Variants in PRDM5 observed in about 807,000 individuals in gnomAD.
PRDM5 encodes the protein PR domain zinc finger protein 5.
Under a neutral mutation model 81.2 loss-of-function variants are expected in PRDM5, and 56 were observed. That is an observed-to-expected ratio of 0.69 (90% CI 0.56 to 0.86). The LOEUF (loss-of-function observed/expected upper bound fraction) is 0.86, where lower values mean the gene tolerates loss of function less well. Ranked by LOEUF, PRDM5 falls within the 40% of genes least tolerant of loss-of-function variation. The pLI is 0.00. For missense variants in PRDM5, 697 were observed against 770.1 expected (o/e 0.91, Z 1.12); for synonymous variants, 267 against 256.4 (o/e 1.04, Z -0.39).
intron 2 of PRDM5, among the ~76,000 whole-genome samples, chr4:120,877,016 TC>T (rs1762391502): frequency 6.6e-6 from 1 of 152,140 alleles, no homozygotes; most frequent in African/African-American, 2.4e-5. Context: ...AAAAATCTTA[TC>T]TGAGAAACAG....
intron 15 of PRDM5, among the ~76,000 whole-genome samples, chr4:120,698,351 T>C (rs902216040): frequency 6.6e-6 from 1 of 152,150 alleles, no homozygotes; most frequent in Non-Finnish European, 1.5e-5. Flanking sequence ...TCTATAATGA[T>C]CTACTCTCCT....
chr4:120,775,432 C>T (rs1437652900), intron 13 of PRDM5, among the ~76,000 whole-genome samples: 1 of 152,052 alleles, frequency 6.6e-6, no homozygotes, highest in Non-Finnish European at 1.5e-5. Flanking sequence ...AAAATGTAGG[C>T]ATACAATATC....
intron 3 of PRDM5, among the ~76,000 whole-genome samples, chr4:120,842,942 G>A (rs1281594145): frequency 2.0e-5 from 3 of 152,178 alleles, no homozygotes; most frequent in Non-Finnish European, 4.4e-5. Context: ...AGCCCCATAA[G>A]GCTATAATTT....
chr4:120,721,022 A>G (rs997329086), intron 14 of PRDM5, among the ~76,000 whole-genome samples: 7 of 152,208 alleles, frequency 4.6e-5, no homozygotes, highest in African/African-American at 1.7e-4. Context: ...CTTTTAATTA[A>G]TCCACTCTGA....
intron 8 of PRDM5, among the ~76,000 whole-genome samples, chr4:120,806,083 G>A (rs1175446652): frequency 6.6e-6 from 1 of 152,098 alleles, no homozygotes; most frequent in Non-Finnish European, 1.5e-5. Flanking sequence ...AATCATGAGT[G>A]AACTCCCATT....
intron 2 of PRDM5, among the ~76,000 whole-genome samples, chr4:120,902,225 G>A (rs1765307780): frequency 1.3e-5 from 2 of 152,180 alleles, no homozygotes; most frequent in African/African-American, 2.4e-5. Flanking sequence ...AGAACAGGTA[G>A]CAAGGAAATG....
At chr4:120,898,578 T>C (rs1156377114) in intron 2 of PRDM5, among the ~76,000 whole-genome samples, 1 of 152,160 alleles carries the variant, frequency 6.6e-6, no homozygotes, top group Non-Finnish European at 1.5e-5. Flanking sequence ...TCCAAAATTA[T>C]CACCTCTCTG....
chr4:120,859,944 G>A (rs1305920157), intron 2 of PRDM5, among the ~76,000 whole-genome samples: 1 of 152,176 alleles, frequency 6.6e-6, no homozygotes. Context: ...CCTAACATGG[G>A]ACAGAATCCA....
chr4:120,920,502 T>C (rs1314777986), intron 1 of PRDM5, among the ~76,000 whole-genome samples: 1 of 152,224 alleles, frequency 6.6e-6, no homozygotes, highest in Admixed American at 6.5e-5. Context: ...CTGTTTGCCT[T>C]CCATAAGCAG....
intron 3 of PRDM5, among the ~76,000 whole-genome samples, chr4:120,841,874 A>G (rs1251710979): frequency 6.6e-6 from 1 of 152,212 alleles, no homozygotes; most frequent in South Asian, 2.1e-4. Flanking sequence ...AATTTCTAAC[A>G]TACCTCCTAA....
intron 15 of PRDM5, among the ~76,000 whole-genome samples, chr4:120,709,241 T>G (rs1347352713): frequency 6.6e-6 from 1 of 152,114 alleles, no homozygotes; most frequent in Non-Finnish European, 1.5e-5. Flanking sequence ...TCTAAATAGG[T>G]TTTGCCTTTA....
At chr4:120,722,416 T>G (rs1738759784) in intron 14 of PRDM5, among the ~76,000 whole-genome samples, 1 of 151,946 alleles carries the variant, frequency 6.6e-6, no homozygotes, top group African/African-American at 2.4e-5. Flanking sequence ...AGCAGAACCC[T>G]GATTCTATTT....
chr4:120,816,979 G>T, intron 5 of PRDM5, 55 bp from the exon 6 acceptor site: 1 of 1,354,154 alleles, frequency 7.4e-7, no homozygotes, highest in Non-Finnish European at 1.1e-6. Flanking sequence ...GGAACTCTAA[G>T]ACAAAAATGA....
chr4:120,684,312 T>C (rs191951176), downstream of PRDM5, among the ~76,000 whole-genome samples: 48 of 152,004 alleles, frequency 3.2e-4, no homozygotes, highest in African/African-American at 1.2e-3. Flanking sequence ...ATATTTTAAT[T>C]GATGAAACAC....
intron 2 of PRDM5, chr4:120,895,983 T>A (rs1159247666): frequency 6.6e-6 from 1 of 151,960 alleles, no homozygotes; most frequent in Non-Finnish European, 1.5e-5. Flanking sequence ...TAAAATAAGG[T>A]TTTTCAGCAA....
At position 120,790,870 on chromosome 4, in the gene PRDM5, G is replaced by C. The variant is rs552205708; in HGVS notation, c.1189-5779C>G. ...GAGGTGGAAGACTGCTTGAGCCTTG[G>C]AGGTGGAGGCTGCAGTGAGTGGAGA... is the stretch of plus-strand genomic sequence containing the variant. On this transcript the variant is annotated intron_variant, in intron 10 of 15. Coordinates refer to ENST00000264808, the MANE Select transcript of PRDM5 (RefSeq NM_018699.4). Among the ~76,000 whole-genome samples the C allele has an allele frequency of 5.9e-5, 9 of 152,270 alleles. No individual in the cohort carries two copies. In the South Asian group the frequency reaches 8.3e-4, roughly 14 times the overall value.
intron 2 of PRDM5, among the ~76,000 whole-genome samples, chr4:120,874,239 T>G (rs17050462): frequency 6.6e-6 from 1 of 152,170 alleles, no homozygotes; most frequent in Non-Finnish European, 1.5e-5. Flanking sequence ...CAGTCAATTG[T>G]CCAAGTAATC....
intron 8 of PRDM5, among the ~76,000 whole-genome samples, chr4:120,809,513 T>TTTTATAAAA (rs1561330413): frequency 6.6e-6 from 1 of 152,224 alleles, no homozygotes; most frequent in Non-Finnish European, 1.5e-5. Context: ...TTTTATGAGA[T>TTTTATAAAA]TTTATAAAAT....
chr4:120,795,292 G>A (rs1751186641), intron 10 of PRDM5, among the ~76,000 whole-genome samples: 1 of 152,100 alleles, frequency 6.6e-6, no homozygotes, highest in Non-Finnish European at 1.5e-5. Flanking sequence ...GCAGGAGGAG[G>A]GAAGCACTGT....
Sources: gnomAD v4.1 joint callset for allele counts (sites outside exome capture counted in the v4.1 genomes callset) on GRCh38, gnomAD v4.1.1 for gene constraint, MANE v1.5 for transcripts, NCBI Gene and HGNC (gene_info 2026-07-23, HGNC 2026-07-21) for gene names.